The following OSBPL9 variants were observed in gnomAD, a reference collection of about 807,000 sequenced individuals.
The protein encoded by OSBPL9 is oxysterol-binding protein-related protein 9.
OSBPL9 carries 40 observed loss-of-function variants against 106.6 expected under a neutral mutation model. That is an observed-to-expected ratio of 0.38 (90% CI 0.29 to 0.49). The LOEUF is 0.49. Among genes scored for constraint, OSBPL9 ranks in the 20% least tolerant of loss-of-function variants. OSBPL9 has a pLI of 0.97. For missense variants in OSBPL9, 609 were observed against 887.2 expected (o/e 0.69, Z 3.98); for synonymous variants, 269 against 295.4 (o/e 0.91, Z 0.92).
At chr1:51,581,626 G>A (rs977029078) in intron 1 of OSBPL9, among the ~76,000 whole-genome samples, 12 of 152,004 alleles carry the variant, frequency 7.9e-5, no homozygotes, top group Non-Finnish European at 1.6e-4. Flanking sequence ...CTTTATACCC[G>A]TATGGACTCA....
intron 2 of OSBPL9, among the ~76,000 whole-genome samples, chr1:51,653,816 A>G (rs557033115): frequency 7.9e-5 from 12 of 152,310 alleles, no homozygotes; most frequent in Non-Finnish European, 1.0e-4. Flanking sequence ...CCTGGGAAAC[A>G]TAGTGAGATC....
intron 3 of OSBPL9, among the ~76,000 whole-genome samples, chr1:51,712,539 T>C (rs1225633212): frequency 6.6e-6 from 1 of 152,270 alleles, no homozygotes; most frequent in Admixed American, 6.5e-5. Flanking sequence ...TTGGTTGTAC[T>C]TAATCTGCTG....
At chr1:51,631,976 C>G (rs1645133143) in intron 1 of OSBPL9, among the ~76,000 whole-genome samples, 1 of 152,148 alleles carries the variant, frequency 6.6e-6, no homozygotes, top group African/African-American at 2.4e-5. Flanking sequence ...ACATCTTGTC[C>G]CACTGGAAGG....
rs566845936 is a variant in OSBPL9 at position 51,699,293 on chromosome 1, C to T, written c.242-14710C>T. Among the ~76,000 whole-genome samples the T allele has an allele frequency of 2.8e-4, 43 of 152,032 alleles. No homozygotes were observed. In the South Asian group the frequency reaches 3.7e-3, roughly 13 times the overall value. ...ATTTGCCCTCGTTTGCTTAGTCTGT[C>T]TTTTTTACCTGGAATGTCTTCCCTG... On this transcript the variant is annotated intron_variant, in intron 3 of 23. Transcript: ENST00000428468.
chr1:51,519,366 C>T, the OSBPL9 span: 1 of 335,912 alleles, frequency 3.0e-6, no homozygotes, highest in East Asian at 4.8e-5. Context: ...CACAACTTCC[C>T]TCCCCACGCC....
At chr1:51,639,812 AGTT>A (rs1645662530) in intron 1 of OSBPL9, among the ~76,000 whole-genome samples, 1 of 118,778 alleles carries the variant, frequency 8.4e-6, no homozygotes, top group Non-Finnish European at 1.7e-5. Flanking sequence ...AGGCATTCCT[AGTT>A]GTTTTTTTTT....
chr1:51,641,246 A>G (rs1264644632), intron 1 of OSBPL9, among the ~76,000 whole-genome samples: 4 of 152,178 alleles, frequency 2.6e-5, no homozygotes, highest in African/African-American at 9.7e-5. Flanking sequence ...AGGTCATCTC[A>G]TTGTTGGTCA....
chr1:51,686,108 G>A (rs1653736660), intron 3 of OSBPL9, among the ~76,000 whole-genome samples: 1 of 152,078 alleles, frequency 6.6e-6, no homozygotes, highest in South Asian at 2.1e-4. Context: ...AATTTTTTCT[G>A]GAGAAGATTA....
chr1:51,721,829 T>A (rs1662183927), intron 4 of OSBPL9, among the ~76,000 whole-genome samples: 1 of 152,238 alleles, frequency 6.6e-6, no homozygotes, highest in African/African-American at 2.4e-5. Flanking sequence ...TGTCACCTCT[T>A]CCACAGGTAA....
At chr1:51,532,648 C>A in the OSBPL9 span, among the ~76,000 whole-genome samples, 1 of 152,058 alleles carries the variant, frequency 6.6e-6, no homozygotes, top group African/African-American at 2.4e-5. Flanking sequence ...TCCACTTTCC[C>A]AAAGGCAGAG....
At chr1:51,572,203 A>G (rs758539164), upstream of OSBPL9, among the ~76,000 whole-genome samples, 3 of 152,230 alleles carry the variant, frequency 2.0e-5, no homozygotes, top group Non-Finnish European at 4.4e-5. Flanking sequence ...GCCAGGAGGA[A>G]GAAGATAGGA....
chr1:51,706,689 T>TTATATA (rs147927507), intron 3 of OSBPL9, among the ~76,000 whole-genome samples: 4 of 148,392 alleles, frequency 2.7e-5, no homozygotes, highest in South Asian at 2.1e-4. Context: ...ATATATGAAT[T>TTATATA]TATATATATA....
intron 3 of OSBPL9, among the ~76,000 whole-genome samples, chr1:51,690,713 T>G (rs1481498041): frequency 6.6e-6 from 1 of 152,132 alleles, no homozygotes; most frequent in Non-Finnish European, 1.5e-5. Context: ...ATAAAACAGA[T>G]AAAGATCCCT....
chr1:51,771,228 T>A (rs1673817033), intron 12 of OSBPL9, among the ~76,000 whole-genome samples: 1 of 152,234 alleles, frequency 6.6e-6, no homozygotes, highest in Non-Finnish European at 1.5e-5. Context: ...AGAGTTGTAA[T>A]AAGACTCATG....
At chr1:51,547,494 C>T in the OSBPL9 span, among the ~76,000 whole-genome samples, 1 of 152,070 alleles carries the variant, frequency 6.6e-6, no homozygotes, top group Non-Finnish European at 1.5e-5. Flanking sequence ...ATAACAGACA[C>T]TTTAAATAAA....
intron 1 of OSBPL9, among the ~76,000 whole-genome samples, chr1:51,632,290 G>A (rs1359067027): frequency 6.6e-6 from 1 of 152,134 alleles, no homozygotes; most frequent in African/African-American, 2.4e-5. Flanking sequence ...ACAAACATGA[G>A]TACAGCATCA....
intron 4 of OSBPL9, among the ~76,000 whole-genome samples, chr1:51,721,740 A>G (rs1244143516): frequency 1.3e-5 from 2 of 152,148 alleles, no homozygotes; most frequent in East Asian, 3.8e-4. Flanking sequence ...TTATATTTTC[A>G]TATCATGTAG....
chr1:51,625,663 A>G (rs1018380639), intron 1 of OSBPL9, among the ~76,000 whole-genome samples: 1 of 152,112 alleles, frequency 6.6e-6, no homozygotes, highest in African/African-American at 2.4e-5. Flanking sequence ...AGCTGGGACC[A>G]TAGGCATGCG....
intron 1 of OSBPL9, among the ~76,000 whole-genome samples, chr1:51,620,121 A>G (rs377085779): frequency 2.5e-4 from 38 of 152,284 alleles, no homozygotes; most frequent in African/African-American, 8.9e-4. Context: ...CACAAGCCTC[A>G]CCTTAGTTGA....
Sources: gnomAD v4.1 joint callset for allele counts (sites outside exome capture counted in the v4.1 genomes callset) on GRCh38, gnomAD v4.1.1 for gene constraint, MANE v1.5 for transcripts, NCBI Gene and HGNC (gene_info 2026-07-23, HGNC 2026-07-21) for gene names.